Variants in SGCZ observed in about 807,000 individuals in gnomAD.
The protein encoded by SGCZ is sarcoglycan zeta, also known as zeta-sarcoglycan.
SGCZ carries 40 observed loss-of-function variants against 41.3 expected under a neutral mutation model. The observed-to-expected ratio is 0.97, with a 90% CI of 0.75 to 1.26. SGCZ has a LOEUF of 1.26. Ranked by LOEUF, SGCZ falls within the 50% of genes most tolerant of loss-of-function variation. The pLI is 0.00. For synonymous variants in SGCZ, 206 were observed against 137.5 expected (o/e 1.50, Z -3.49); for missense variants, 552 against 369.8 (o/e 1.49, Z -4.04).
chr8:15,159,567 T>C (rs946833956), intron 1 of SGCZ, among the ~76,000 whole-genome samples: 1 of 152,156 alleles, frequency 6.6e-6, no homozygotes, highest in African/African-American at 2.4e-5. Flanking sequence ...ATGCAGCTTG[T>C]GTCCACTGCA....
At chr8:14,100,358 A>G (rs992945334) in intron 7 of SGCZ, among the ~76,000 whole-genome samples, 2 of 151,092 alleles carry the variant, frequency 1.3e-5, no homozygotes, top group Non-Finnish European at 3.0e-5. Flanking sequence ...ATTAATAATA[A>G]TCAATATTTA....
chr8:14,815,114 A>G (rs1010665981), intron 1 of SGCZ, among the ~76,000 whole-genome samples: 2 of 152,230 alleles, frequency 1.3e-5, no homozygotes, highest in South Asian at 2.1e-4. Flanking sequence ...AAGGCAGGGT[A>G]TTTGTTATTA....
chr8:14,456,847 G>C (rs1200196995), intron 2 of SGCZ, among the ~76,000 whole-genome samples: 1 of 152,106 alleles, frequency 6.6e-6, no homozygotes, highest in Non-Finnish European at 1.5e-5. Context: ...TAGTGACTGA[G>C]TTCTCATAAG....
At chr8:14,477,685 T>G (rs1463929350) in intron 2 of SGCZ, among the ~76,000 whole-genome samples, 2 of 152,182 alleles carry the variant, frequency 1.3e-5, no homozygotes, top group Admixed American at 6.5e-5. Context: ...AAACATAAAT[T>G]TTTTGAAGTG....
chr8:14,208,661 C>T (rs1486099358), intron 4 of SGCZ, among the ~76,000 whole-genome samples: 1 of 151,806 alleles, frequency 6.6e-6, no homozygotes, highest in South Asian at 2.1e-4. Context: ...ATTATGAAAA[C>T]AACTAGAAAC....
intron 1 of SGCZ, among the ~76,000 whole-genome samples, chr8:15,131,926 T>C (rs2116975076): frequency 1.3e-5 from 2 of 152,348 alleles, no homozygotes; most frequent in African/African-American, 4.8e-5. Context: ...ACAAATACCC[T>C]TTTATGAAAT....
At chr8:14,913,628 T>G (rs1256326856) in intron 1 of SGCZ, among the ~76,000 whole-genome samples, 1 of 152,092 alleles carries the variant, frequency 6.6e-6, no homozygotes, top group Admixed American at 6.6e-5. Flanking sequence ...TAATATACAT[T>G]AATTTAATTT....
At chr8:14,163,357 C>G (rs374086021) in intron 5 of SGCZ, among the ~76,000 whole-genome samples, 2 of 152,198 alleles carry the variant, frequency 1.3e-5, no homozygotes, top group East Asian at 3.9e-4. Context: ...GTGTGTTGTT[C>G]CCCTCTATGT....
chr8:14,160,727 G>A (rs1804019099), intron 5 of SGCZ, among the ~76,000 whole-genome samples: 2 of 152,134 alleles, frequency 1.3e-5, no homozygotes, highest in Admixed American at 1.3e-4. Flanking sequence ...TTTTACTTCT[G>A]TGTCCTCACA....
At chr8:15,056,836 C>T (rs1166426941) in intron 1 of SGCZ, among the ~76,000 whole-genome samples, 11 of 152,154 alleles carry the variant, frequency 7.2e-5, no homozygotes, top group Admixed American at 7.2e-4. Context: ...CCAGTGTCAG[C>T]AATCAAGCAC....
intron 1 of SGCZ, among the ~76,000 whole-genome samples, chr8:15,102,770 T>A (rs1585564967): frequency 1.3e-5 from 2 of 152,312 alleles, no homozygotes; most frequent in South Asian, 4.1e-4. Flanking sequence ...AAAACTTTCA[T>A]TAAAGTGAAC....
At chr8:14,716,478 C>T (rs1267850777) in intron 1 of SGCZ, among the ~76,000 whole-genome samples, 1 of 151,972 alleles carries the variant, frequency 6.6e-6, no homozygotes, top group Non-Finnish European at 1.5e-5. Flanking sequence ...TTTGGGGGAC[C>T]TGCAAAACCG....
At chr8:14,488,894 A>G (rs1233135284) in intron 2 of SGCZ, among the ~76,000 whole-genome samples, 1 of 152,264 alleles carries the variant, frequency 6.6e-6, no homozygotes, top group South Asian at 2.1e-4. Flanking sequence ...CTAAAGATTA[A>G]TTAGTTCTGG....
At chr8:14,416,330 G>A (rs1040253685) in intron 2 of SGCZ, among the ~76,000 whole-genome samples, 1 of 151,812 alleles carries the variant, frequency 6.6e-6, no homozygotes, top group Admixed American at 6.6e-5. Context: ...AAACTATACA[G>A]TATTTCTATT....
intron 5 of SGCZ, among the ~76,000 whole-genome samples, chr8:14,153,944 C>CAG (rs1563156596): frequency 6.0e-4 from 68 of 113,144 alleles, no homozygotes; most frequent in African/African-American, 2.3e-3. Context: ...CACACAGACA[C>CAG]ACACACACAC....
intron 1 of SGCZ, among the ~76,000 whole-genome samples, chr8:14,823,682 A>G (rs989618190): frequency 2.6e-5 from 4 of 152,158 alleles, no homozygotes; most frequent in Non-Finnish European, 5.9e-5. Flanking sequence ...TCTTCCAAAA[A>G]ATTAAAAATA....
At chr8:14,650,158 T>C (rs920455594) in intron 1 of SGCZ, among the ~76,000 whole-genome samples, 2 of 152,062 alleles carry the variant, frequency 1.3e-5, no homozygotes, top group Non-Finnish European at 2.9e-5. Context: ...TGTTTTGTTC[T>C]GTTTTGCTGA....
chr8:14,571,399 T>C (rs1288488353), intron 1 of SGCZ, among the ~76,000 whole-genome samples: 6 of 152,330 alleles, frequency 3.9e-5, no homozygotes, highest in Non-Finnish European at 7.3e-5. Context: ...AAGTAGTCAC[T>C]GTTTTTAGCA....
At chr8:14,481,745 A>G (rs1402299170) in intron 2 of SGCZ, among the ~76,000 whole-genome samples, 1 of 152,204 alleles carries the variant, frequency 6.6e-6, no homozygotes, top group African/African-American at 2.4e-5. Flanking sequence ...TTAAAAAATT[A>G]AAAACTTTTA....
Sources: gnomAD v4.1 joint callset for allele counts (sites outside exome capture counted in the v4.1 genomes callset) on GRCh38, gnomAD v4.1.1 for gene constraint, MANE v1.5 for transcripts, NCBI Gene and HGNC (gene_info 2026-07-23, HGNC 2026-07-21) for gene names.